Variants in FOXO1 observed in about 807,000 individuals in gnomAD.
FOXO1 encodes forkhead box protein O1.
A neutral mutation model predicts 44.1 loss-of-function variants in FOXO1; 6 were observed. The ratio of observed to expected loss-of-function variants is 0.14; its 90% CI spans 0.07 to 0.27. FOXO1 has a LOEUF of 0.27. FOXO1 is among the 10% of genes least tolerant of loss of function. The pLI, the probability that FOXO1 is intolerant of heterozygous loss-of-function variation, is 1.00. For synonymous variants in FOXO1, 380 were observed against 362.7 expected, an observed-to-expected ratio of 1.05 and a Z score of -0.54; for missense variants, 737 against 888.8, an observed-to-expected ratio of 0.83 and a Z score of 2.17.
At chr13:40,611,555 G>A (rs1444552385) in intron 1 of FOXO1, among the ~76,000 whole-genome samples, 1 of 152,112 alleles carries the variant, frequency 6.6e-6, no homozygotes, top group Admixed American at 6.5e-5. Context: ...GATGCAGAGG[G>A]GAACCCTGCT....
chr13:40,655,970 T>C (rs1312471814), intron 1 of FOXO1, among the ~76,000 whole-genome samples: 1 of 152,180 alleles, frequency 6.6e-6, no homozygotes, highest in Non-Finnish European at 1.5e-5. Flanking sequence ...TCTAAATGGC[T>C]GATGAGTGTT....
rs778122381 is a variant in FOXO1 at position 40,560,129 on chromosome 13, C to G, written c.1362G>C (p.Gln454His). Reference sequence around the variant, plus strand: ...TCAAGAGTCCAGGCGCACAGTTATACTGACTCATACCTCCATAACTCGACT... The same window carrying G: ...TCAAGAGTCCAGGCGCACAGTTATAGTGACTCATACCTCCATAACTCGACT... The part of the protein sequence containing the change: ...DNKSSYGGMS[Q>H]YNCAPGLLKE... Residue 454 changes from glutamine to histidine, a missense_variant, in exon 2 of 3, where the codon CAG (glutamine) becomes CAC (histidine). By Grantham distance (24) the Gln-to-His change is conservative. Transcript: ENST00000379561. This position sits in a 1 kb window ranked among gnomAD's most constrained non-coding sequence, Gnocchi z 5.1. 1 of 1,614,174 alleles carries G rather than the reference C, an allele frequency of 6.2e-7. No individual in the cohort carries two copies.
chr13:40,623,135 A>G (rs1876671349), intron 1 of FOXO1, among the ~76,000 whole-genome samples: 1 of 152,080 alleles, frequency 6.6e-6, no homozygotes, highest in Non-Finnish European at 1.5e-5. Context: ...AAAAAAAAAA[A>G]GGAATACAGT....
intron 1 of FOXO1, among the ~76,000 whole-genome samples, chr13:40,664,857 T>C (rs532936067): frequency 2.1e-3 from 310 of 149,876 alleles, no homozygotes; most frequent in Non-Finnish European, 2.7e-3. Context: ...CCGCCGAGGG[T>C]CACACTTGAA....
chr13:40,615,984 G>T (rs1440270354), intron 1 of FOXO1, among the ~76,000 whole-genome samples: 2 of 152,208 alleles, frequency 1.3e-5, no homozygotes, highest in African/African-American at 4.8e-5. Context: ...AAGGACAGAA[G>T]TAAGAAAAGC....
rs1415799778 is a variant in FOXO1, at chr13:40,665,777, C to A, written c.436G>T (p.Ala146Ser). ...GAGCTGCTCTTGCGCGGCTGCCCCGCGAGCGGCCCAGCGGCGGCGGGGGGC... is the reference window on the plus strand; with the variant it reads ...GAGCTGCTCTTGCGCGGCTGCCCCGAGAGCGGCCCAGCGGCGGCGGGGGGC... ...PVPPAAAGPL[A>S]GQPRKSSSSR... is the part of the protein sequence containing the mutation. Residue 146 changes from alanine (A) to serine (S), a missense_variant, in exon 1 of 3, where the codon GCG becomes TCG. Coordinates refer to ENST00000379561, the MANE Select transcript of FOXO1 (RefSeq NM_002015.4). The A allele has an allele frequency of 6.0e-6, 8 of 1,336,482 alleles. No individual in the cohort carries two copies. Among genetic ancestry groups the A allele is most frequent in the Non-Finnish European group, 7.8e-6 (8 of 1,028,366 alleles). 82.8% of individuals were successfully genotyped at this position (1,336,482 alleles called of 1,614,324 possible). A position where few individuals can be genotyped will look rare whatever the true frequency, so the allele number is the denominator to read the frequency against.
chr13:40,604,210 C>A (rs1875916349), intron 1 of FOXO1, among the ~76,000 whole-genome samples: 1 of 151,108 alleles, frequency 6.6e-6, no homozygotes, highest in South Asian at 2.1e-4. Flanking sequence ...ACAAGACATG[C>A]CACCTAGAAG....
Position 40,666,323 on chromosome 13 carries a change from A to C in FOXO1, c.-111T>G. The C allele has an allele frequency of 1.1e-6, 1 of 870,490 alleles. No homozygotes were observed. The highest frequency in any genetic ancestry group is 1.6e-6 in the Non-Finnish European group (1 of 635,302). 53.9% of individuals were successfully genotyped at this position (870,490 alleles called of 1,614,324 possible). On this transcript the variant is annotated 5_prime_UTR_variant, in exon 1 of 3. Coordinates refer to ENST00000379561, the MANE Select transcript of FOXO1 (RefSeq NM_002015.4). ...GGACGGTCCGAGATTTGGGGGAACG[A>C]AGCCGGTGCGGCGAGCGGACGGAAA... is the stretch of plus-strand genomic sequence containing the variant.
At chr13:40,655,527 G>T (rs1328126850) in intron 1 of FOXO1, among the ~76,000 whole-genome samples, 1 of 151,342 alleles carries the variant, frequency 6.6e-6, no homozygotes, top group Non-Finnish European at 1.5e-5. Context: ...ACGGTAGTGG[G>T]CTTTTTCATT....
At chr13:40,663,865 A>C (rs958098366) in intron 1 of FOXO1, among the ~76,000 whole-genome samples, 1 of 152,384 alleles carries the variant, frequency 6.6e-6, no homozygotes, top group Admixed American at 6.5e-5. Context: ...CGCATTAACC[A>C]CAGGGATGAC....
At chr13:40,589,649 A>C (rs1458247634) in intron 1 of FOXO1, among the ~76,000 whole-genome samples, 2 of 152,254 alleles carry the variant, frequency 1.3e-5, no homozygotes, top group Non-Finnish European at 2.9e-5. Flanking sequence ...TCCTAAATTA[A>C]TCAGAATAGA....
chr13:40,581,388 G>C (rs1156349488), intron 1 of FOXO1, among the ~76,000 whole-genome samples: 1 of 152,170 alleles, frequency 6.6e-6, no homozygotes, highest in Non-Finnish European at 1.5e-5. Context: ...CTCGCTCCTT[G>C]ATCAGTCATC....
In FOXO1 at chr13:40,665,757, G is replaced by C. The variant is rs1242524770; in HGVS notation, c.456C>G (p.Ser152Arg). ...CCCACGCGTTGCGGCGGGACGAGCT[G>C]CTCTTGCGCGGCTGCCCCGCGAGCG... ...AGPLAGQPRKSSSSRRNAWGN... is the reference protein window; with the variant it reads ...AGPLAGQPRKRSSSRRNAWGN... Residue 152 changes from serine (S) to arginine (R), a missense_variant, in exon 1 of 3, where the codon AGC (serine) becomes AGG (arginine). Transcript: ENST00000379561. 7.2e-7 allele frequency: 1 copy of C among 1,383,410 alleles called. No homozygotes were observed. The highest frequency in any genetic ancestry group is 1.8e-5 in the South Asian group (1 of 57,112). The allele number at this position is 1,383,410 out of a possible 1,614,324, so 85.7% of individuals were successfully genotyped here.
chr13:40,575,781 G>A lies in FOXO1; in HGVS notation c.631-14921C>T, dbSNP rs557304896. Among the ~76,000 whole-genome samples, 9 of 152,264 alleles carry A rather than the reference G, an allele frequency of 5.9e-5. No homozygotes were observed. In the South Asian group the frequency reaches 1.0e-3, roughly 18 times the overall value. Reference sequence around the variant, plus strand: ...CTCCCATGGTCTTACACATATGTACGGAAGGCTGACAACACAGAAACGTTA... The same window carrying A: ...CTCCCATGGTCTTACACATATGTACAGAAGGCTGACAACACAGAAACGTTA... On this transcript the variant is annotated intron_variant, in intron 1 of 2. Transcript: ENST00000379561.
chr13:40,613,243 A>C (rs941322194), intron 1 of FOXO1, among the ~76,000 whole-genome samples: 13 of 152,134 alleles, frequency 8.5e-5, no homozygotes, highest in Non-Finnish European at 1.9e-4. Flanking sequence ...GGGTCTCTGT[A>C]AGAACAGCTA....
rs901289504 is a variant in FOXO1, at chr13:40,618,132, G to A, written c.630+47451C>T. ...CCAGCTCTGTCACCCAGGCTGGAGTGCAGTGGCGCAATCTCAGCTCACTGC... is the reference window on the plus strand; with the variant it reads ...CCAGCTCTGTCACCCAGGCTGGAGTACAGTGGCGCAATCTCAGCTCACTGC... On this transcript the variant is annotated intron_variant, in intron 1 of 2. Coordinates refer to ENST00000379561, the MANE Select transcript of FOXO1 (RefSeq NM_002015.4). Among the ~76,000 whole-genome samples the A allele has an allele frequency of 4.6e-5, 7 of 152,252 alleles. No homozygotes were observed. In the East Asian group the frequency reaches 1.2e-3, roughly 25 times the overall value.
intron 1 of FOXO1, among the ~76,000 whole-genome samples, chr13:40,575,883 T>C (rs1874725214): frequency 6.6e-6 from 1 of 152,186 alleles, no homozygotes; most frequent in Non-Finnish European, 1.5e-5. Flanking sequence ...CGACTTGGAT[T>C]GCTAGATAAA....
intron 1 of FOXO1, among the ~76,000 whole-genome samples, chr13:40,587,420 A>C (rs1205997468): frequency 6.6e-6 from 1 of 152,214 alleles, no homozygotes; most frequent in Non-Finnish European, 1.5e-5. Context: ...AGCTATTTAC[A>C]TGACTAGTTT....
intron 1 of FOXO1, among the ~76,000 whole-genome samples, chr13:40,618,227 G>GC (rs1367006310): frequency 2.6e-5 from 4 of 152,074 alleles, no homozygotes; most frequent in Non-Finnish European, 4.4e-5. Context: ...ACAGGCATAC[G>GC]CCACACACCC....
Sources: allele counts gnomAD v4.1 joint callset (sites outside exome capture counted in the v4.1 genomes callset), GRCh38; gene constraint gnomAD v4.1.1; non-coding constraint Gnocchi (gnomAD v3.1); transcripts MANE v1.5; gene names NCBI Gene and HGNC (gene_info 2026-07-23, HGNC 2026-07-21).